The following TTC28 variants were observed in gnomAD, a reference collection of about 807,000 sequenced individuals.
The protein encoded by TTC28 is tetratricopeptide repeat protein 28.
TTC28 carries 61 observed loss-of-function variants against 198.0 expected under a neutral mutation model. That is an observed-to-expected ratio of 0.31 (90% CI 0.25 to 0.38). The LOEUF (loss-of-function observed/expected upper bound fraction) is 0.38. TTC28 is among the 10% of genes least tolerant of loss of function. The probability of loss-of-function intolerance (pLI) is 1.00; values close to 1 mark genes in which losing one functional copy is unlikely to be tolerated. For synonymous variants in TTC28, 1,171 were observed against 1,297.8 expected (o/e 0.90, Z 2.10); for missense variants, 2,678 against 3,164.0 (o/e 0.85, Z 3.69).
At chr22:27,996,338 C>A in intron 16 of TTC28, 79 bp from the exon 17 acceptor site, 1 of 1,509,294 alleles carries the variant, frequency 6.6e-7, no homozygotes. Context: ...GGCTCACTTA[C>A]GCCTCGAGGT....
At chr22:28,073,602 G>A (rs1003994421) in intron 12 of TTC28, among the ~76,000 whole-genome samples, 1 of 152,186 alleles carries the variant, frequency 6.6e-6, no homozygotes, top group East Asian at 1.9e-4. Flanking sequence ...CCAGGTCTCC[G>A]CAGACAGTGG....
chr22:28,120,776 G>T (rs1942763108), intron 6 of TTC28, among the ~76,000 whole-genome samples: 1 of 152,202 alleles, frequency 6.6e-6, no homozygotes, highest in Non-Finnish European at 1.5e-5. Flanking sequence ...AAGACAGATG[G>T]ATGTTTTAGC....
Position 27,982,756 on chromosome 22 carries a change from C to A in TTC28, c.6911G>T (p.Arg2304Met). 6.4e-7 allele frequency: 1 copy of A among 1,550,542 alleles called. No homozygotes were observed. The highest frequency in any genetic ancestry group is 8.7e-7 in the Non-Finnish European group (1 of 1,146,244). Reference protein sequence around the residue: ...PYSAHISKSPRNMSPSSGHQS... With the variant: ...PYSAHISKSPMNMSPSSGHQS... ...GTGGCCGGAGCTTGGGGACATGTTC[C>A]TTGGTGATTTGGAAATGTGAGCGCT... The change falls in exon 23 of 23, where the codon AGG becomes ATG. Residue 2304 changes from arginine to methionine, a missense_variant. By Grantham distance (91) the Arg-to-Met change is moderately conservative (BLOSUM62 -1). Around this residue, in one of 8 missense-constraint regions of TTC28, gnomAD observed 622 missense variants for 656.0 expected, o/e 0.95. Transcript: ENST00000397906. The surrounding 1 kb of genome is among the most constrained non-coding windows in gnomAD (Gnocchi z 5.2).
At chr22:28,044,881 G>T (rs1939802030) in intron 12 of TTC28, among the ~76,000 whole-genome samples, 1 of 151,986 alleles carries the variant, frequency 6.6e-6, no homozygotes. Flanking sequence ...GCTTTTCTTT[G>T]TTAAAGGAGA....
chr22:28,276,648 T>C (rs903833547), intron 5 of TTC28, among the ~76,000 whole-genome samples: 3 of 152,204 alleles, frequency 2.0e-5, no homozygotes, highest in African/African-American at 4.8e-5. Flanking sequence ...ACATGCTTTA[T>C]GCTAAACACT....
At chr22:28,317,509 T>C (rs943641637) in intron 2 of TTC28, among the ~76,000 whole-genome samples, 1 of 152,206 alleles carries the variant, frequency 6.6e-6, no homozygotes, top group Non-Finnish European at 1.5e-5. Context: ...GTTTTGTTGT[T>C]CTATTAGGAC....
intron 1 of TTC28, among the ~76,000 whole-genome samples, chr22:28,656,145 C>G (rs1414681531): frequency 6.6e-6 from 1 of 152,158 alleles, no homozygotes; most frequent in East Asian, 1.9e-4. Flanking sequence ...GAGGAGGGAC[C>G]CAGGGAACTT....
chr22:28,031,559 G>T (rs1230692024), intron 12 of TTC28, among the ~76,000 whole-genome samples: 3 of 152,234 alleles, frequency 2.0e-5, no homozygotes, highest in Admixed American at 1.3e-4. Flanking sequence ...TACAGATTTG[G>T]GTTTAGGACA....
chr22:28,210,557 A>G (rs1601481341), intron 5 of TTC28, among the ~76,000 whole-genome samples: 1 of 152,168 alleles, frequency 6.6e-6, no homozygotes, highest in Admixed American at 6.5e-5. Context: ...AGAGCAAATG[A>G]ATGAAATGAA....
At chr22:28,035,193 C>G (rs563706547) in intron 12 of TTC28, among the ~76,000 whole-genome samples, 3 of 152,288 alleles carry the variant, frequency 2.0e-5, no homozygotes, top group Middle Eastern at 3.4e-3. Flanking sequence ...CCCCACCCCC[C>G]TCCAGGCTTC....
At chr22:28,037,564 C>T (rs1465673353) in intron 12 of TTC28, among the ~76,000 whole-genome samples, 1 of 152,166 alleles carries the variant, frequency 6.6e-6, no homozygotes, top group Non-Finnish European at 1.5e-5. Flanking sequence ...CAATATCATA[C>T]TGAATGGCCA....
rs1419934093 is a variant in TTC28 at position 28,005,033 on chromosome 22, A to G, written c.4219-3480T>C. Among the ~76,000 whole-genome samples, 1 of 152,194 alleles carries G rather than the reference A, an allele frequency of 6.6e-6. No homozygotes were observed. The highest frequency in any genetic ancestry group is 1.5e-5 in the Non-Finnish European group (1 of 68,030). On this transcript the variant is annotated intron_variant, in intron 14 of 22. Coordinates refer to ENST00000397906, the MANE Select transcript of TTC28 (RefSeq NM_001145418.2). The surrounding 1 kb of genome is among the most constrained non-coding windows in gnomAD (Gnocchi z 4.9). ...ACTACCAGAGTCTCCAACAGATTCC[A>G]TCAAAGACTCAGATGTTCTGACCTC...
Position 27,982,805 on chromosome 22 carries a change from G to T in TTC28, c.6862C>A (p.Leu2288Met), listed in dbSNP as rs1207917704. The change falls in exon 23 of 23, where the codon CTG becomes ATG. Residue 2288 changes from leucine (L) to methionine (M), a missense_variant. By Grantham distance (15) the Leu-to-Met change is conservative. This residue lies in a region of TTC28 where 622 missense variants were observed against 656.0 expected (regional missense o/e 0.95). Transcript: ENST00000397906. This position sits in a 1 kb window ranked among gnomAD's most constrained non-coding sequence, Gnocchi z 5.2. The stretch of plus-strand genomic sequence containing the variant: ...CTGTAAGGAGAGCTGGGGTACTTCA[G>T]TTTAAAGAGAGGCTGGTCCAGCTGG... ...TSQLDQPLFKLKYPSSPYSAH... is the reference protein window; with the variant it reads ...TSQLDQPLFKMKYPSSPYSAH... The T allele has an allele frequency of 6.5e-7, 1 of 1,543,434 alleles. No individual in the cohort carries two copies.
At chr22:28,573,345 C>A (rs183045466) in intron 2 of TTC28, among the ~76,000 whole-genome samples, 3 of 148,340 alleles carry the variant, frequency 2.0e-5, no homozygotes, top group African/African-American at 7.5e-5. Context: ...CCCAGCTACT[C>A]GGGGAGGCTG....
chr22:28,337,749 G>A (rs1344371307), intron 2 of TTC28, among the ~76,000 whole-genome samples: 2 of 152,078 alleles, frequency 1.3e-5, no homozygotes, highest in Non-Finnish European at 2.9e-5. Flanking sequence ...CACGTGAGAT[G>A]GGTTTCCTGA....
intron 5 of TTC28, among the ~76,000 whole-genome samples, chr22:28,224,029 G>A (rs1028244820): frequency 6.6e-6 from 1 of 152,172 alleles, no homozygotes; most frequent in East Asian, 1.9e-4. Context: ...GGACATCTGG[G>A]AATGTCTGGA....
At chr22:28,560,559 A>G (rs187073799) in intron 2 of TTC28, among the ~76,000 whole-genome samples, 21 of 152,034 alleles carry the variant, frequency 1.4e-4, no homozygotes, top group Non-Finnish European at 1.5e-5. Flanking sequence ...ATACATAATC[A>G]TTCCCACCCA....
intron 1 of TTC28, among the ~76,000 whole-genome samples, chr22:28,640,697 T>C (rs1368914052): frequency 6.6e-6 from 1 of 152,024 alleles, no homozygotes; most frequent in East Asian, 1.9e-4. Context: ...AAATAGCACC[T>C]AACATAAAAT....
chr22:28,295,612 A>C (rs569274422), intron 5 of TTC28, among the ~76,000 whole-genome samples: 7 of 152,320 alleles, frequency 4.6e-5, no homozygotes, highest in Non-Finnish European at 7.3e-5. Flanking sequence ...ATCTGGGCCT[A>C]TCTGACACCA....
Sources: allele counts gnomAD v4.1 joint callset (sites outside exome capture counted in the v4.1 genomes callset), GRCh38; gene constraint gnomAD v4.1.1; regional missense constraint gnomAD v4.1.1; non-coding constraint Gnocchi (gnomAD v3.1); transcripts MANE v1.5; gene names NCBI Gene and HGNC (gene_info 2026-07-23, HGNC 2026-07-21).